SLC35F4: variants seen among roughly 807,000 people sequenced by gnomAD.
SLC35F4 encodes solute carrier family 35 member F4.
In SLC35F4, 24 loss-of-function variants were observed where a neutral mutation model predicts 44.2. That is an observed-to-expected ratio of 0.54 (90% CI 0.39 to 0.76). The LOEUF is 0.76. Ranked by LOEUF, SLC35F4 falls within the 30% of genes least tolerant of loss-of-function variation. The pLI, the probability that SLC35F4 is intolerant of heterozygous loss-of-function variation, is 0.00. For missense variants in SLC35F4, 562 were observed against 586.1 expected (o/e 0.96, Z 0.42); for synonymous variants, 238 against 223.6 (o/e 1.06, Z -0.57).
chr14:57,638,341 T>C (rs575891512), intron 1 of SLC35F4, among the ~76,000 whole-genome samples: 3 of 152,248 alleles, frequency 2.0e-5, no homozygotes, highest in East Asian at 3.9e-4. Flanking sequence ...TTCTGGTGTA[T>C]AGGGCCTAAT....
intron 1 of SLC35F4, among the ~76,000 whole-genome samples, chr14:57,849,366 T>A (rs1191075302): frequency 6.6e-6 from 1 of 152,130 alleles, no homozygotes; most frequent in East Asian, 1.9e-4. Flanking sequence ...TTCGCCATGT[T>A]GGCCAGGCTG....
chr14:57,969,553 A>G (rs1880991232), intron 1 of SLC35F4, among the ~76,000 whole-genome samples: 1 of 152,240 alleles, frequency 6.6e-6, no homozygotes, highest in South Asian at 2.1e-4. Context: ...ATACATATAC[A>G]CTTATTTTCA....
At chr14:57,596,607 T>C (rs751525806) in intron 1 of SLC35F4, 2 of 445,100 alleles carry the variant, frequency 4.5e-6, no homozygotes, top group Non-Finnish European at 9.0e-6. Context: ...TTGGCAATTA[T>C]ACATCAAAAG....
downstream of SLC35F4, among the ~76,000 whole-genome samples, chr14:57,976,245 A>T (rs1881212268): frequency 6.6e-6 from 1 of 152,216 alleles, no homozygotes; most frequent in African/African-American, 2.4e-5. Context: ...TAGGGCAATG[A>T]TATACTGGGG....
At chr14:57,864,567 G>GA (rs1887961419) in intron 1 of SLC35F4, among the ~76,000 whole-genome samples, 2 of 152,234 alleles carry the variant, frequency 1.3e-5, no homozygotes, top group Middle Eastern at 3.4e-3. Context: ...AAAGTTACAT[G>GA]AAAAAATAGT....
chr14:57,677,090 A>G (rs759556879), intron 1 of SLC35F4, among the ~76,000 whole-genome samples: 11 of 152,114 alleles, frequency 7.2e-5, no homozygotes, highest in Non-Finnish European at 2.9e-5. Flanking sequence ...CATAAAAAGG[A>G]GCAAAATATC....
At chr14:57,734,111 A>G (rs1280495619) in intron 1 of SLC35F4, among the ~76,000 whole-genome samples, 1 of 152,196 alleles carries the variant, frequency 6.6e-6, no homozygotes, top group Non-Finnish European at 1.5e-5. Context: ...CTTATGAAGT[A>G]GCAGTTGCCC....
At chr14:57,934,177 A>G (rs1378410000) in intron 1 of SLC35F4, among the ~76,000 whole-genome samples, 1 of 151,590 alleles carries the variant, frequency 6.6e-6, no homozygotes, top group African/African-American at 2.4e-5. Flanking sequence ...AAATTCCAAC[A>G]TTTTTTGTTC....
intron 1 of SLC35F4, among the ~76,000 whole-genome samples, chr14:57,761,738 A>G (rs185845446): frequency 2.6e-5 from 4 of 152,334 alleles, no homozygotes; most frequent in East Asian, 1.9e-4. Context: ...TAAAGCATAA[A>G]ATTGATTTAA....
At chr14:57,718,976 G>C (rs569997528) in intron 1 of SLC35F4, among the ~76,000 whole-genome samples, 4 of 152,148 alleles carry the variant, frequency 2.6e-5, no homozygotes, top group South Asian at 2.1e-4. Context: ...TAAGGACTTA[G>C]ATTTAAGTCT....
At chr14:57,952,933 G>A (rs577004527) in intron 1 of SLC35F4, among the ~76,000 whole-genome samples, 2 of 152,132 alleles carry the variant, frequency 1.3e-5, no homozygotes, top group African/African-American at 4.8e-5. Flanking sequence ...AGGAAATACA[G>A]AGAACACCAC....
At chr14:57,794,069 T>C (rs1595080276) in intron 1 of SLC35F4, among the ~76,000 whole-genome samples, 1 of 152,080 alleles carries the variant, frequency 6.6e-6, no homozygotes, top group African/African-American at 2.4e-5. Context: ...TGAGATATGT[T>C]AAAGACTTAA....
intron 1 of SLC35F4, among the ~76,000 whole-genome samples, chr14:57,919,936 C>A (rs1017304158): frequency 9.2e-5 from 14 of 152,120 alleles, no homozygotes; most frequent in African/African-American, 3.4e-4. Context: ...TCATTCTGTA[C>A]CTCTATAAAC....
At chr14:57,912,438 G>T (rs1889232964) in intron 1 of SLC35F4, among the ~76,000 whole-genome samples, 1 of 151,734 alleles carries the variant, frequency 6.6e-6, no homozygotes, top group South Asian at 2.1e-4. Flanking sequence ...CACAAATTTT[G>T]GTATATTGTG....
intron 1 of SLC35F4, among the ~76,000 whole-genome samples, chr14:57,859,143 A>G (rs1461411932): frequency 1.3e-5 from 2 of 151,950 alleles, no homozygotes; most frequent in African/African-American, 2.4e-5. Context: ...GAAGAGAGAG[A>G]GAGGGAGGAA....
intron 1 of SLC35F4, among the ~76,000 whole-genome samples, chr14:57,712,435 G>C (rs74442307): frequency 0.047 from 7,086 of 152,236 alleles, 212 homozygotes; most frequent in South Asian, 0.087. Context: ...AGGTAAAATT[G>C]CATGTTTATA....
chr14:57,720,053 A>T (rs1276655113), intron 1 of SLC35F4, among the ~76,000 whole-genome samples: 1 of 152,204 alleles, frequency 6.6e-6, no homozygotes, highest in East Asian at 1.9e-4. Flanking sequence ...TTTATCAGCA[A>T]CAGTTGAAAT....
chr14:57,805,726 C>T (rs756960883), intron 1 of SLC35F4, among the ~76,000 whole-genome samples: 4 of 152,116 alleles, frequency 2.6e-5, no homozygotes, highest in Non-Finnish European at 4.4e-5. Context: ...CCATGGCACA[C>T]GTTTACCTAT....
At chr14:57,619,130 C>T (rs575539638) in intron 1 of SLC35F4, among the ~76,000 whole-genome samples, 15 of 152,290 alleles carry the variant, frequency 9.8e-5, no homozygotes, top group East Asian at 1.9e-4. Flanking sequence ...CAGACTTAAA[C>T]GTCCCTACCT....
Sources: allele counts gnomAD v4.1 joint callset (sites outside exome capture counted in the v4.1 genomes callset), GRCh38; gene constraint gnomAD v4.1.1; transcripts MANE v1.5; gene names NCBI Gene and HGNC (gene_info 2026-07-23, HGNC 2026-07-21).